The following IL34 variants were observed in gnomAD, a reference collection of about 807,000 sequenced individuals.
The protein encoded by IL34 is interleukin-34.
In IL34, 17 loss-of-function variants were observed where a neutral mutation model predicts 25.3. The ratio of observed to expected loss-of-function variants is 0.67; its 90% CI spans 0.46 to 1.01. The LOEUF is 1.01. Among genes scored for constraint, IL34 ranks in the 50% least tolerant of loss-of-function variants. IL34 has a pLI of 0.00. For synonymous variants in IL34, 174 were observed against 140.9 expected (o/e 1.23, Z -1.66); for missense variants, 368 against 312.9 (o/e 1.18, Z -1.33).
chr16:70,615,506 A>T (rs2051160619), intron 1 of IL34, among the ~76,000 whole-genome samples: 1 of 152,022 alleles, frequency 6.6e-6, no homozygotes, highest in Non-Finnish European at 1.5e-5. Context: ...ACTCCGTCTC[A>T]AAATAAATAA....
At chr16:70,643,662 A>G (rs999191172), upstream of IL34, among the ~76,000 whole-genome samples, 1 of 152,254 alleles carries the variant, frequency 6.6e-6, no homozygotes, top group Admixed American at 6.5e-5. Context: ...AGTGTGAGCC[A>G]TCACACGCAG....
chr16:70,639,638 C>T (rs1396669548), intron 1 of IL34, among the ~76,000 whole-genome samples: 1 of 152,180 alleles, frequency 6.6e-6, no homozygotes. Context: ...TGACCCTGTT[C>T]CCACTGCAAA....
intron 1 of IL34, among the ~76,000 whole-genome samples, chr16:70,589,615 T>C (rs1181318055): frequency 6.8e-6 from 1 of 147,388 alleles, no homozygotes; most frequent in Non-Finnish European, 1.5e-5. Flanking sequence ...TGTGTTTTTT[T>C]ACCATGATTT....
chr16:70,596,380 G>A (rs1263315536), intron 1 of IL34, among the ~76,000 whole-genome samples: 3 of 152,208 alleles, frequency 2.0e-5, no homozygotes, highest in Non-Finnish European at 2.9e-5. Flanking sequence ...AAGGTGGCTA[G>A]GGCATCTCCA....
chr16:70,619,542 C>T (rs573902314), intron 1 of IL34, among the ~76,000 whole-genome samples: 84 of 151,342 alleles, frequency 5.6e-4, no homozygotes, highest in Non-Finnish European at 8.7e-4. Context: ...GAAGCCTGGC[C>T]GTCAATACCC....
At chr16:70,651,443 T>C (rs994530654) in intron 1 of IL34, among the ~76,000 whole-genome samples, 2 of 152,190 alleles carry the variant, frequency 1.3e-5, no homozygotes, top group African/African-American at 2.4e-5. Context: ...AAGTGCAAGA[T>C]AGATTGCAGA....
At chr16:70,642,294 CTTTT>C (rs531744889), upstream of IL34, among the ~76,000 whole-genome samples, 1 of 116,934 alleles carries the variant, frequency 8.6e-6, no homozygotes. Context: ...ACTCTGATGT[CTTTT>C]TTTTTTTTTT....
In IL34 at chr16:70,647,096, G is replaced by A. The variant is rs889176504; in HGVS notation, c.28+121G>A. 3.4e-5 allele frequency: 30 copies of A among 885,964 alleles called. No homozygotes were observed. The Admixed American group carries it at 3.4e-4, about 10-fold the overall frequency. The allele number at this position is 885,964 out of a possible 1,614,324, so 54.9% of individuals were successfully genotyped here. A position where few individuals can be genotyped will look rare whatever the true frequency, so the allele number is the denominator to read the frequency against. On this transcript the variant is annotated intron_variant, in intron 1 of 5. Transcript: ENST00000288098. ...TGAGAAGTTGCGATGCTTCCCAGCC[G>A]GACTGCAGACACCCTCTGAGATTCC...
chr16:70,579,906 A>T (rs1349583677), exon 1 of IL34: 1 of 152,392 alleles, frequency 6.6e-6, no homozygotes, highest in Non-Finnish European at 1.5e-5. Context: ...ATCAGACGGG[A>T]AGCCTGGACT....
chr16:70,590,641 G>T (rs2050742523), intron 1 of IL34, among the ~76,000 whole-genome samples: 1 of 152,158 alleles, frequency 6.6e-6, no homozygotes, highest in South Asian at 2.1e-4. Context: ...AGCTGAACAG[G>T]CTTGATCTCA....
intron 1 of IL34, among the ~76,000 whole-genome samples, chr16:70,589,117 A>C (rs1372900235): frequency 6.6e-6 from 1 of 152,080 alleles, no homozygotes; most frequent in Non-Finnish European, 1.5e-5. Flanking sequence ...GAATCGCTTG[A>C]ACCCGGGAGG....
rs143151185 is a variant in IL34 at position 70,632,681 on chromosome 16, G to C, written c.-400-13867G>C. Among the ~76,000 whole-genome samples the C allele has an allele frequency of 5.7e-3, 870 of 152,228 alleles. 8 individuals are homozygous for C. Among genetic ancestry groups the C allele is most frequent in the African/African-American group, 0.02 (820 of 41,538 alleles). On this transcript the variant is annotated intron_variant, in intron 1 of 6. Coordinates refer to the IL34 transcript ENST00000429149. ...GGTGTTTGTGTTTGAGAGAGTGAAGGGGGTATTTTTGCTGTGGGCAGAAGG... is the reference window on the plus strand; with the variant it reads ...GGTGTTTGTGTTTGAGAGAGTGAAGCGGGTATTTTTGCTGTGGGCAGAAGG...
At chr16:70,611,498 C>T (rs6499327) in intron 1 of IL34, among the ~76,000 whole-genome samples, 73,257 of 151,880 alleles carry the variant, frequency 0.48, 18,327 homozygotes, top group East Asian at 0.65. Flanking sequence ...TATTTAAAAA[C>T]AGCCTTCGGG....
chr16:70,659,314 G>A (rs542641848), intron 4 of IL34, among the ~76,000 whole-genome samples: 2 of 152,346 alleles, frequency 1.3e-5, no homozygotes, highest in African/African-American at 2.4e-5. Context: ...CGCAGTGGTG[G>A]GTGGCCGTGC....
intron 1 of IL34, among the ~76,000 whole-genome samples, chr16:70,649,524 G>T (rs575688252): frequency 2.0e-5 from 3 of 152,260 alleles, no homozygotes; most frequent in East Asian, 3.9e-4. Flanking sequence ...CCAGTGTCAG[G>T]GCTCTGCCTC....
At chr16:70,621,602 C>T (rs1303200301) in intron 1 of IL34, among the ~76,000 whole-genome samples, 1 of 152,120 alleles carries the variant, frequency 6.6e-6, no homozygotes, top group East Asian at 1.9e-4. Context: ...CGAGTCATGG[C>T]ACCAAATTTC....
exon 1 of IL34, chr16:70,580,010 C>G (rs868515381): frequency 2.0e-5 from 3 of 152,372 alleles, no homozygotes; most frequent in Non-Finnish European, 4.4e-5. Flanking sequence ...CTTAAGGCCA[C>G]CAGCAAATCC....
intron 1 of IL34, among the ~76,000 whole-genome samples, chr16:70,620,804 G>A (rs892676815): frequency 3.3e-5 from 5 of 152,130 alleles, no homozygotes; most frequent in African/African-American, 7.2e-5. Flanking sequence ...GGGATCAAGG[G>A]GCATTGCAGA....
intron 1 of IL34, among the ~76,000 whole-genome samples, chr16:70,631,371 A>C (rs2051513842): frequency 6.6e-6 from 1 of 151,804 alleles, no homozygotes; most frequent in Non-Finnish European, 1.5e-5. Flanking sequence ...TTCTGTTGTC[A>C]GGGAGAATAG....
Sources: gnomAD v4.1 joint callset for allele counts (sites outside exome capture counted in the v4.1 genomes callset) on GRCh38, gnomAD v4.1.1 for gene constraint, MANE v1.5 for transcripts, NCBI Gene and HGNC (gene_info 2026-07-23, HGNC 2026-07-21) for gene names.